The following EGLN1 variants were observed in gnomAD, a reference collection of about 807,000 sequenced individuals.
EGLN1 encodes the protein egl-9 family hypoxia inducible factor 1.
EGLN1 carries 17 observed loss-of-function variants against 38.3 expected under a neutral mutation model. The observed-to-expected ratio is 0.44, with a 90% CI of 0.30 to 0.67. The LOEUF is 0.67. Among genes scored for constraint, EGLN1 ranks in the 30% least tolerant of loss-of-function variants. The probability of loss-of-function intolerance (pLI) is 0.08; values close to 1 mark genes in which losing one functional copy is unlikely to be tolerated. For missense variants in EGLN1, 477 were observed against 603.3 expected, an observed-to-expected ratio of 0.79 and a Z score of 2.19; for synonymous variants, 283 against 257.5, an observed-to-expected ratio of 1.10 and a Z score of -0.95.
chr1:231,406,179 AT>A (rs1268305440), intron 1 of EGLN1, among the ~76,000 whole-genome samples: 44 of 147,608 alleles, frequency 3.0e-4, no homozygotes, highest in South Asian at 1.5e-3. Context: ...AAAAAAAAAA[AT>A]TTCAGGTTAA....
chr1:231,397,818 G>A (rs1688568680), intron 1 of EGLN1, among the ~76,000 whole-genome samples: 1 of 152,182 alleles, frequency 6.6e-6, no homozygotes, highest in African/African-American at 2.4e-5. Context: ...ACCCTAAGGA[G>A]AAATATACAG....
chr1:231,421,335 G>A lies in EGLN1; in HGVS notation c.554C>T (p.Thr185Met), dbSNP rs1656586589. The change falls in exon 1 of 5, where the codon ACG becomes ATG. Residue 185 changes from threonine (T) to methionine (M), a missense_variant. Physicochemically the swap from Thr to Met is moderately conservative, Grantham distance 81. Coordinates refer to ENST00000366641, the MANE Select transcript of EGLN1 (RefSeq NM_022051.3). This position sits in a 1 kb window ranked among gnomAD's most constrained non-coding sequence, Gnocchi z 5.5. The stretch of plus-strand genomic sequence containing the variant: ...CAGCTTCAGCGCCGGCAGGGGCTTC[G>A]TCTGCCCGTTGGGCCGCAGGCCGCC... ...PGGGLRPNGQ[T>M]KPLPALKLAL... 6.2e-7 allele frequency: 1 copy of A among 1,611,492 alleles called. No homozygotes were observed. Among genetic ancestry groups the A allele is most frequent in the Non-Finnish European group, 8.5e-7 (1 of 1,179,122 alleles).
chr1:231,418,237 T>C (rs1369401161), intron 1 of EGLN1, among the ~76,000 whole-genome samples: 1 of 152,240 alleles, frequency 6.6e-6, no homozygotes, highest in Admixed American at 6.5e-5. Context: ...TTTAAGCCAC[T>C]ATCTGAAATA....
intron 1 of EGLN1, among the ~76,000 whole-genome samples, chr1:231,402,271 G>C (rs1221786757): frequency 6.6e-6 from 1 of 151,944 alleles, no homozygotes; most frequent in African/African-American, 2.4e-5. Flanking sequence ...TTTCTTAATG[G>C]TATCTTTGGA....
Position 231,366,312 on chromosome 1 carries a change from T to C in EGLN1, c.*99A>G. ...TCTGTTTCCTTATTAAAATGCGAAC[T>C]GGTTGTCTATTTTTCTTTATCCCAT... On this transcript the variant is annotated 3_prime_UTR_variant, in exon 5 of 5. Transcript: ENST00000366641. The C allele has an allele frequency of 7.4e-7, 1 of 1,342,560 alleles. No individual in the cohort carries two copies. The highest frequency in any genetic ancestry group is 1.1e-6 in the Non-Finnish European group (1 of 943,604). 83.2% of individuals were successfully genotyped at this position (1,342,560 alleles called of 1,614,324 possible).
chr1:231,416,353 T>C (rs1477121436), intron 1 of EGLN1, among the ~76,000 whole-genome samples: 2 of 151,656 alleles, frequency 1.3e-5, no homozygotes, highest in South Asian at 2.1e-4. Flanking sequence ...CTCCTCCTCC[T>C]CCACGTAATT....
At chr1:231,367,464 A>C in intron 4 of EGLN1, 105 bp downstream of exon 4, 1 of 1,126,322 alleles carries the variant, frequency 8.9e-7, no homozygotes, top group South Asian at 1.3e-5. Flanking sequence ...AACAAAAAGT[A>C]AGTATTCATG....
chr1:231,379,095 C>T (rs1045296921), intron 1 of EGLN1, among the ~76,000 whole-genome samples: 3 of 152,184 alleles, frequency 2.0e-5, no homozygotes, highest in African/African-American at 7.2e-5. Context: ...AGGTCAGAGA[C>T]TCTAAATGGC....
At chr1:231,383,918 C>A (rs140058409) in intron 1 of EGLN1, among the ~76,000 whole-genome samples, 2 of 152,038 alleles carry the variant, frequency 1.3e-5, no homozygotes, top group African/African-American at 4.8e-5. Flanking sequence ...TTTAAACAAG[C>A]ACTTCATTGT....
At chr1:231,396,909 T>C (rs142517696) in intron 1 of EGLN1, among the ~76,000 whole-genome samples, 152 of 152,012 alleles carry the variant, frequency 1.0e-3, no homozygotes, top group African/African-American at 3.5e-3. Flanking sequence ...CTTCTTGCTA[T>C]GTCTCTAATC....
chr1:231,418,702 A>AT (rs916492678), intron 1 of EGLN1, among the ~76,000 whole-genome samples: 1 of 151,772 alleles, frequency 6.6e-6, no homozygotes, highest in Non-Finnish European at 1.5e-5. Flanking sequence ...TACAAAAAAA[A>AT]TTTTTTTTCA....
chr1:231,416,591 C>A (rs1371538538), intron 1 of EGLN1, among the ~76,000 whole-genome samples: 1 of 152,018 alleles, frequency 6.6e-6, no homozygotes, highest in Non-Finnish European at 1.5e-5. Context: ...GTCTTGAACT[C>A]CTGGGCTCAA....
intron 1 of EGLN1, among the ~76,000 whole-genome samples, chr1:231,403,588 T>G (rs191689582): frequency 2.6e-5 from 4 of 151,852 alleles, no homozygotes; most frequent in African/African-American, 9.7e-5. Context: ...CTGGCTAACA[T>G]GGCGAAACCC....
chr1:231,418,325 C>T (rs1477443350), intron 1 of EGLN1, among the ~76,000 whole-genome samples: 2 of 152,342 alleles, frequency 1.3e-5, no homozygotes, highest in East Asian at 1.9e-4. Context: ...AAAGCTAGTG[C>T]TATTCACCCA....
chr1:231,369,691 C>T, intron 3 of EGLN1: 1 of 667,036 alleles, frequency 1.5e-6, no homozygotes, highest in African/African-American at 2.0e-5. Context: ...ACCATCATTA[C>T]TAAAGCCAAC....
intron 1 of EGLN1, among the ~76,000 whole-genome samples, chr1:231,415,624 C>T (rs912256036): frequency 2.0e-5 from 3 of 152,252 alleles, no homozygotes; most frequent in East Asian, 1.9e-4. Flanking sequence ...TAGTTAAGAA[C>T]AGTTCTGCAT....
At position 231,409,363 on chromosome 1, in the gene EGLN1, G is replaced by A. The variant is rs997517450; in HGVS notation, c.891+11635C>T. Reference sequence around the variant, plus strand: ...ATAAACATAGCACTGGGAATTACAGGTTCAACATTGTATTTCCCTCACACA... The same window carrying A: ...ATAAACATAGCACTGGGAATTACAGATTCAACATTGTATTTCCCTCACACA... On this transcript the variant is annotated intron_variant, in intron 1 of 4. Transcript: ENST00000366641. Among the ~76,000 whole-genome samples the A allele has an allele frequency of 1.3e-4, 20 of 152,008 alleles. No individual in the cohort carries two copies. In the East Asian group the frequency reaches 3.7e-3, roughly 28 times the overall value.
In EGLN1 at chr1:231,365,196, T is replaced by C. The variant is rs1183425722; in HGVS notation, c.*1215A>G. Reference sequence around the variant, plus strand: ...ATGCTCTTCAACAGAGACAAGGTTCTTGTCTGCAGATCAGATAGATCACAG... The same window carrying C: ...ATGCTCTTCAACAGAGACAAGGTTCCTGTCTGCAGATCAGATAGATCACAG... On this transcript the variant is annotated 3_prime_UTR_variant, in exon 5 of 5. Transcript: ENST00000366641. 1 of 152,204 alleles carries C rather than the reference T, an allele frequency of 6.6e-6. No homozygotes were observed. Among genetic ancestry groups the C allele is most frequent in the Non-Finnish European group, 1.5e-5 (1 of 68,036 alleles). The allele number at this position is 152,204 out of a possible 1,614,324, so 9.4% of individuals were successfully genotyped here.
At chr1:231,404,850 C>T (rs1233600836) in intron 1 of EGLN1, among the ~76,000 whole-genome samples, 1 of 152,056 alleles carries the variant, frequency 6.6e-6, no homozygotes, top group Admixed American at 6.5e-5. Flanking sequence ...CAAGGTGTTC[C>T]TCAGCTGGAG....
Sources: gnomAD v4.1 joint callset for allele counts (sites outside exome capture counted in the v4.1 genomes callset) on GRCh38, gnomAD v4.1.1 for gene constraint, Gnocchi (gnomAD v3.1) non-coding constraint, MANE v1.5 for transcripts, NCBI Gene and HGNC (gene_info 2026-07-23, HGNC 2026-07-21) for gene names.